CAST: variants seen among roughly 807,000 people sequenced by gnomAD.
The protein encoded by CAST is calpastatin.
A neutral mutation model predicts 119.6 loss-of-function variants in CAST; 76 were observed. The observed-to-expected ratio is 0.64, with a 90% confidence interval of 0.53 to 0.77. The LOEUF (loss-of-function observed/expected upper bound fraction) is 0.77, where lower values mean the gene tolerates loss of function less well. Ranked by LOEUF, CAST falls within the 30% of genes least tolerant of loss-of-function variation. CAST has a pLI of 0.00. For missense variants in CAST, 953 were observed against 946.5 expected, an observed-to-expected ratio of 1.01 and a Z score of -0.09; for synonymous variants, 319 against 331.6, an observed-to-expected ratio of 0.96 and a Z score of 0.41.
intron 2 of CAST, among the ~76,000 whole-genome samples, chr5:96,681,939 C>T (rs544473151): frequency 6.7e-6 from 1 of 148,892 alleles, no homozygotes; most frequent in South Asian, 2.1e-4. Context: ...CAGTTACCCA[C>T]GGTACAATAC....
chr5:96,662,394 CG>C lies in CAST; in HGVS notation c.-26del. ...CCCCGCCACTCTCCGCGGCGCATTC[CG>C]GGAGGCAGCGGCCGCAGCGGCCTCG... is the stretch of plus-strand genomic sequence containing the variant. On this transcript the variant is annotated 5_prime_UTR_variant, in exon 1 of 32. Transcript: ENST00000675179. The C allele has an allele frequency of 7.0e-7, 1 of 1,431,634 alleles. No individual in the cohort carries two copies. The highest frequency in any genetic ancestry group is 9.1e-7 in the Non-Finnish European group (1 of 1,097,946). 88.7% of individuals were successfully genotyped at this position (1,431,634 alleles called of 1,614,324 possible).
the CAST span, among the ~76,000 whole-genome samples, chr5:96,464,021 T>C: frequency 6.6e-6 from 1 of 151,950 alleles, no homozygotes; most frequent in South Asian, 2.1e-4. Context: ...ATGATTATGA[T>C]TGAGGGTGAA....
the CAST span, among the ~76,000 whole-genome samples, chr5:96,313,213 A>G: frequency 6.6e-6 from 1 of 152,152 alleles, no homozygotes; most frequent in African/African-American, 2.4e-5. Context: ...TAATTTATAT[A>G]CAATAAAATT....
At chr5:96,490,029 T>C in the CAST span, among the ~76,000 whole-genome samples, 1 of 152,244 alleles carries the variant, frequency 6.6e-6, no homozygotes, top group East Asian at 1.9e-4. Flanking sequence ...TCTGGACATA[T>C]GTGCTTTCTG....
At chr5:96,208,280 G>A in the CAST span, among the ~76,000 whole-genome samples, 1 of 151,062 alleles carries the variant, frequency 6.6e-6, no homozygotes. Context: ...GCCAACTTAT[G>A]GTTTTATTGA....
chr5:95,987,857 A>G, the CAST span, among the ~76,000 whole-genome samples: 3 of 152,222 alleles, frequency 2.0e-5, no homozygotes, highest in East Asian at 3.8e-4. Flanking sequence ...TGGTTCCCCA[A>G]TTGCACTAGC....
intron 2 of CAST, among the ~76,000 whole-genome samples, chr5:96,682,622 A>C (rs1411971762): frequency 6.6e-6 from 1 of 151,598 alleles, no homozygotes; most frequent in Non-Finnish European, 1.5e-5. Context: ...TTTCTTTCTG[A>C]TTACTCTTTT....
At chr5:96,540,031 T>G (rs1745883499) in intron 1 of CAST, among the ~76,000 whole-genome samples, 1 of 152,152 alleles carries the variant, frequency 6.6e-6, no homozygotes, top group African/African-American at 2.4e-5. Context: ...CTCTTTATCT[T>G]ACCATAGTAT....
At chr5:96,084,269 A>T in the CAST span, among the ~76,000 whole-genome samples, 2 of 152,254 alleles carry the variant, frequency 1.3e-5, no homozygotes, top group African/African-American at 4.8e-5. Flanking sequence ...CACTGCAGGG[A>T]TCTTGAAACC....
At chr5:96,502,700 TG>T in the CAST span, among the ~76,000 whole-genome samples, 1 of 151,694 alleles carries the variant, frequency 6.6e-6, no homozygotes, top group African/African-American at 2.4e-5. Flanking sequence ...TATCTGCTTT[TG>T]GGGGTGAGGT....
the CAST span, among the ~76,000 whole-genome samples, chr5:96,316,367 C>T: frequency 2.0e-5 from 3 of 152,156 alleles, 1 homozygote; most frequent in East Asian, 1.9e-4. Context: ...CTTCTCTGTC[C>T]TCTTGTCCTA....
the CAST span, among the ~76,000 whole-genome samples, chr5:96,321,606 T>C: frequency 6.6e-6 from 1 of 152,142 alleles, no homozygotes; most frequent in Non-Finnish European, 1.5e-5. Context: ...CTTGAAGGAA[T>C]TTTACAAGTC....
the CAST span, among the ~76,000 whole-genome samples, chr5:96,389,118 G>A: frequency 1.3e-5 from 2 of 152,048 alleles, no homozygotes; most frequent in African/African-American, 4.8e-5. Context: ...GAAATGGGGA[G>A]ATATAGGTCA....
At chr5:96,112,155 T>C in the CAST span, among the ~76,000 whole-genome samples, 1 of 151,982 alleles carries the variant, frequency 6.6e-6, no homozygotes, top group South Asian at 2.1e-4. Flanking sequence ...TCTCAATTAT[T>C]AATATTCAAT....
the CAST span, chr5:96,398,961 C>T: frequency 1.2e-6 from 2 of 1,612,806 alleles, no homozygotes; most frequent in Non-Finnish European, 1.7e-6. Flanking sequence ...GCTCCAGGGA[C>T]TTGATAGCAT....
At chr5:96,431,060 G>A in the CAST span, among the ~76,000 whole-genome samples, 3 of 152,242 alleles carry the variant, frequency 2.0e-5, no homozygotes, top group East Asian at 1.9e-4. Flanking sequence ...GTGCTATTTA[G>A]CCTTTCAGTA....
the CAST span, among the ~76,000 whole-genome samples, chr5:95,965,436 T>C: frequency 1.3e-5 from 2 of 152,264 alleles, no homozygotes; most frequent in African/African-American, 4.8e-5. Flanking sequence ...CTTATACCTG[T>C]ATTAGCAGTT....
At chr5:96,630,353 G>A (rs1324854067) in intron 1 of CAST, among the ~76,000 whole-genome samples, 1 of 152,224 alleles carries the variant, frequency 6.6e-6, no homozygotes, top group Non-Finnish European at 1.5e-5. Context: ...CAAGCCATGG[G>A]AGAGTCAGGA....
the CAST span, among the ~76,000 whole-genome samples, chr5:96,106,328 T>C: frequency 6.6e-5 from 10 of 152,208 alleles, no homozygotes; most frequent in African/African-American, 2.4e-4. Flanking sequence ...GTGTCAATTT[T>C]GGATCTTTCC....
Sources: allele counts gnomAD v4.1 joint callset (sites outside exome capture counted in the v4.1 genomes callset), GRCh38; gene constraint gnomAD v4.1.1; transcripts MANE v1.5; gene names NCBI Gene and HGNC (gene_info 2026-07-23, HGNC 2026-07-21).